Variants in NTM observed in about 807,000 individuals in gnomAD.
The protein encoded by NTM is neurotrimin, also known as IgLON family member 2.
A neutral mutation model predicts 42.1 loss-of-function variants in NTM; 13 were observed. The ratio of observed to expected loss-of-function variants is 0.31; its 90% CI spans 0.20 to 0.49. The LOEUF (loss-of-function observed/expected upper bound fraction) is 0.49, where lower values mean the gene tolerates loss of function less well. Ranked by LOEUF, NTM falls within the 20% of genes least tolerant of loss-of-function variation. The pLI, the probability that NTM is intolerant of heterozygous loss-of-function variation, is 0.99. For missense variants in NTM, 373 were observed against 452.8 expected, an observed-to-expected ratio of 0.82 and a Z score of 1.60; for synonymous variants, 187 against 179.2, an observed-to-expected ratio of 1.04 and a Z score of -0.35.
intron 1 of NTM, among the ~76,000 whole-genome samples, chr11:131,481,035 G>A (rs1003331028): frequency 6.6e-6 from 1 of 152,104 alleles, no homozygotes; most frequent in Non-Finnish European, 1.5e-5. Context: ...TTTCTAGACC[G>A]ATGACTGCAT....
At chr11:131,435,178 T>C (rs1424422611) in intron 1 of NTM, among the ~76,000 whole-genome samples, 1 of 152,194 alleles carries the variant, frequency 6.6e-6, no homozygotes, top group African/African-American at 2.4e-5. Context: ...TACCATGCTG[T>C]TTTGGTTACT....
At chr11:131,632,667 G>A (rs528731158) in intron 1 of NTM, among the ~76,000 whole-genome samples, 11 of 77,974 alleles carry the variant, frequency 1.4e-4, no homozygotes, top group East Asian at 8.7e-4. Context: ...GGTCATGCTC[G>A]GGCAGCTTTT....
intron 1 of NTM, among the ~76,000 whole-genome samples, chr11:131,437,360 G>T (rs1445803530): frequency 1.3e-5 from 2 of 152,062 alleles, no homozygotes; most frequent in Non-Finnish European, 2.9e-5. Context: ...TGTCTCGTCG[G>T]TCTGTCTAAT....
At chr11:132,214,689 G>T (rs988340518) in intron 4 of NTM, among the ~76,000 whole-genome samples, 3 of 152,110 alleles carry the variant, frequency 2.0e-5, no homozygotes, top group Non-Finnish European at 4.4e-5. Context: ...GTGTGTTAGA[G>T]TCTTTTGTTT....
intron 1 of NTM, among the ~76,000 whole-genome samples, chr11:131,470,433 C>T (rs1000402677): frequency 6.6e-5 from 10 of 152,200 alleles, no homozygotes; most frequent in Non-Finnish European, 1.5e-4. Flanking sequence ...TCTCTAAACA[C>T]CAACATTTAC....
intron 1 of NTM, among the ~76,000 whole-genome samples, chr11:131,569,426 G>A (rs532795314): frequency 8.0e-4 from 122 of 152,114 alleles, no homozygotes; most frequent in African/African-American, 2.3e-3. Context: ...GTTTACAGGC[G>A]TAAGCCACTG....
At chr11:131,949,528 T>C (rs986395266) in intron 2 of NTM, among the ~76,000 whole-genome samples, 1 of 152,192 alleles carries the variant, frequency 6.6e-6, no homozygotes, top group Non-Finnish European at 1.5e-5. Flanking sequence ...GTTTTAGGCG[T>C]TGCACAAAGA....
chr11:131,526,462 G>T (rs1243774443), intron 1 of NTM, among the ~76,000 whole-genome samples: 1 of 152,120 alleles, frequency 6.6e-6, no homozygotes, highest in Non-Finnish European at 1.5e-5. Flanking sequence ...ATTAAGAGAA[G>T]GTAAAGGAAG....
intron 1 of NTM, among the ~76,000 whole-genome samples, chr11:131,509,679 C>T (rs7113617): frequency 0.13 from 19,267 of 152,120 alleles, 1,401 homozygotes; most frequent in East Asian, 0.26. Context: ...TTTTCTAGTT[C>T]TTTACCACAC....
intron 2 of NTM, among the ~76,000 whole-genome samples, chr11:131,975,616 A>G (rs1416760915): frequency 6.6e-6 from 1 of 152,128 alleles, no homozygotes; most frequent in Non-Finnish European, 1.5e-5. Context: ...TTGTCATCAG[A>G]TGTGTTTGGG....
intron 1 of NTM, among the ~76,000 whole-genome samples, chr11:131,657,169 G>A (rs919212038): frequency 2.1e-5 from 3 of 145,754 alleles, no homozygotes; most frequent in Non-Finnish European, 3.0e-5. Flanking sequence ...AAAAATCATC[G>A]AAATGGGTCA....
intron 2 of NTM, among the ~76,000 whole-genome samples, chr11:132,038,816 C>T (rs1469862265): frequency 6.6e-6 from 1 of 152,184 alleles, no homozygotes; most frequent in Admixed American, 6.5e-5. Context: ...GTCTGCCTTC[C>T]TCACGTCCCT....
chr11:132,323,380 A>G (rs1178440781), intron 7 of NTM, among the ~76,000 whole-genome samples: 1 of 151,996 alleles, frequency 6.6e-6, no homozygotes, highest in African/African-American at 2.4e-5. Flanking sequence ...AACTACCATC[A>G]GAGAATACTA....
chr11:131,646,806 C>T (rs1299597638), intron 1 of NTM, among the ~76,000 whole-genome samples: 1 of 152,084 alleles, frequency 6.6e-6, no homozygotes, highest in Admixed American at 6.6e-5. Context: ...AGTTTTGTTC[C>T]GATTTTAACC....
chr11:131,792,599 C>T (rs920188523), intron 1 of NTM, among the ~76,000 whole-genome samples: 7 of 152,192 alleles, frequency 4.6e-5, no homozygotes, highest in African/African-American at 1.4e-4. Context: ...CTTCATAAAA[C>T]TCCACCTTTC....
At chr11:132,201,028 C>T (rs753737150) in intron 3 of NTM, among the ~76,000 whole-genome samples, 11 of 152,220 alleles carry the variant, frequency 7.2e-5, no homozygotes, top group Non-Finnish European at 1.0e-4. Flanking sequence ...GGTTTCTGAA[C>T]AGAAGCAAGG....
At chr11:131,378,251 C>T (rs1942222180) in intron 1 of NTM, among the ~76,000 whole-genome samples, 2 of 152,210 alleles carry the variant, frequency 1.3e-5, no homozygotes, top group African/African-American at 4.8e-5. Flanking sequence ...TTGGGTAAGA[C>T]ACATCCCCTA....
intron 3 of NTM, among the ~76,000 whole-genome samples, chr11:132,172,465 G>A (rs2076241374): frequency 6.6e-6 from 1 of 152,158 alleles, no homozygotes; most frequent in African/African-American, 2.4e-5. Flanking sequence ...CTCTTTAAAG[G>A]ACAGGATGTG....
intron 1 of NTM, among the ~76,000 whole-genome samples, chr11:131,820,918 C>T (rs1018615010): frequency 1.3e-5 from 2 of 152,134 alleles, no homozygotes; most frequent in Non-Finnish European, 2.9e-5. Flanking sequence ...TTTGGATTCA[C>T]ACCTCCTTGT....
Sources: allele counts gnomAD v4.1 joint callset (sites outside exome capture counted in the v4.1 genomes callset), GRCh38; gene constraint gnomAD v4.1.1; transcripts MANE v1.5; gene names NCBI Gene and HGNC (gene_info 2026-07-23, HGNC 2026-07-21).